KCNMA1: variants seen among roughly 807,000 people sequenced by gnomAD.
The protein encoded by KCNMA1 is potassium calcium-activated channel subfamily M alpha 1.
A neutral mutation model predicts 140.0 loss-of-function variants in KCNMA1; 29 were observed. The ratio of observed to expected loss-of-function variants is 0.21; its 90% confidence interval spans 0.15 to 0.28. KCNMA1 has a LOEUF of 0.28. Ranked by LOEUF, KCNMA1 falls within the 10% of genes least tolerant of loss-of-function variation. The pLI is 1.00. For missense variants in KCNMA1, 880 were observed against 1,602.2 expected, an observed-to-expected ratio of 0.55 and a Z score of 7.70; for synonymous variants, 612 against 611.9, an observed-to-expected ratio of 1.00 and a Z score of 0.00.
chr10:77,253,127 T>C (rs993477940), intron 2 of KCNMA1, among the ~76,000 whole-genome samples: 11 of 152,250 alleles, frequency 7.2e-5, no homozygotes, highest in Non-Finnish European at 1.6e-4. Flanking sequence ...TTTTGATCTG[T>C]GCTGCTATTT....
At chr10:77,331,778 A>C (rs1423015091) in intron 2 of KCNMA1, among the ~76,000 whole-genome samples, 1 of 152,002 alleles carries the variant, frequency 6.6e-6, no homozygotes, top group Non-Finnish European at 1.5e-5. Flanking sequence ...TTGCACCTCT[A>C]TACTCCAGCC....
chr10:76,891,817 G>C (rs542585908), intron 25 of KCNMA1, 98 bp from the exon 26 acceptor site: 3 of 974,272 alleles, frequency 3.1e-6, no homozygotes, highest in East Asian at 2.4e-5. Context: ...GGTATCTCCT[G>C]TTTAAAGTTC....
At chr10:77,117,539 CAAA>C (rs56926398) in intron 6 of KCNMA1, among the ~76,000 whole-genome samples, 2 of 22,512 alleles carry the variant, frequency 8.9e-5, no homozygotes, top group South Asian at 3.3e-3. Flanking sequence ...GAGTCTATCT[CAAA>C]AAAAAAAAAA....
intron 1 of KCNMA1, among the ~76,000 whole-genome samples, chr10:77,423,768 A>G (rs1219545452): frequency 6.6e-6 from 1 of 152,162 alleles, no homozygotes; most frequent in Non-Finnish European, 1.5e-5. Flanking sequence ...GCTGCAACAG[A>G]CTGTGAGACT....
chr10:77,184,078 A>T (rs901152420), intron 4 of KCNMA1, among the ~76,000 whole-genome samples: 1 of 151,978 alleles, frequency 6.6e-6, no homozygotes, highest in Admixed American at 6.6e-5. Context: ...ACACACACAC[A>T]CACACACACA....
chr10:77,293,561 A>T (rs892300868), intron 2 of KCNMA1, among the ~76,000 whole-genome samples: 1 of 152,202 alleles, frequency 6.6e-6, no homozygotes, highest in Admixed American at 6.5e-5. Context: ...ACATCCACAT[A>T]GCCTTGCATT....
In KCNMA1 at chr10:77,637,553, G is replaced by A. The variant is rs75040504; in HGVS notation, c.90C>T (p.His30=). The A allele has an allele frequency of 6.6e-4, 1,015 of 1,543,428 alleles. 3 individuals are homozygous for A. Among genetic ancestry groups the A allele is most frequent in the Middle Eastern group, 1.9e-3 (11 of 5,912 alleles). The change falls in exon 1 of 28, where the codon CAC becomes CAT. Residue 30 remains histidine (H), a synonymous_variant. Coordinates refer to ENST00000286628, the MANE Select transcript of KCNMA1 (RefSeq NM_001161352.2). ...ACGCGTCTAGGCTGAGATGGTTCGC[G>A]TGGATATTGCTACTCATTCTAAGAC... is the stretch of plus-strand genomic sequence containing the variant. The part of the protein sequence containing the change: ...GSSLRMSSNI[H]ANHLSLDASS...
intron 2 of KCNMA1, among the ~76,000 whole-genome samples, chr10:77,363,122 T>TTTG (rs2094116628): frequency 6.6e-6 from 1 of 151,390 alleles, no homozygotes; most frequent in South Asian, 2.1e-4. Context: ...TTATTATTAT[T>TTTG]TTTTTTTTCT....
intron 19 of KCNMA1, among the ~76,000 whole-genome samples, chr10:76,981,745 A>C (rs1353861219): frequency 6.6e-6 from 1 of 152,160 alleles, no homozygotes; most frequent in Non-Finnish European, 1.5e-5. Flanking sequence ...TTTCTTTAAA[A>C]AATCCCCTGG....
At chr10:77,629,202 C>G (rs923490910) in intron 1 of KCNMA1, among the ~76,000 whole-genome samples, 2 of 152,162 alleles carry the variant, frequency 1.3e-5, no homozygotes, top group Non-Finnish European at 2.9e-5. Context: ...GACACAATGT[C>G]CCAAGACAAT....
chr10:76,881,380 C>A (rs1230093066), downstream of KCNMA1, among the ~76,000 whole-genome samples: 1 of 152,200 alleles, frequency 6.6e-6, no homozygotes, highest in East Asian at 1.9e-4. Flanking sequence ...CCTTGAAGCA[C>A]TTACACAGGT....
At chr10:77,131,692 C>T (rs1029476709) in intron 5 of KCNMA1, among the ~76,000 whole-genome samples, 5 of 152,050 alleles carry the variant, frequency 3.3e-5, no homozygotes, top group African/African-American at 9.7e-5. Context: ...TTGCCAGGCA[C>T]GGTGGCTCAT....
intron 1 of KCNMA1, among the ~76,000 whole-genome samples, chr10:77,482,991 TACACACACACACACACACACAC>T (rs56364046): frequency 3.9e-5 from 5 of 126,750 alleles, no homozygotes; most frequent in African/African-American, 6.2e-5. Flanking sequence ...CTCTCTCACA[TACACACACACACACACACACAC>T]ACACACACAC....
chr10:77,324,971 CTGTGTGTGTGTG>C (rs144907110), intron 2 of KCNMA1, among the ~76,000 whole-genome samples: 2 of 90,378 alleles, frequency 2.2e-5, no homozygotes, highest in Non-Finnish European at 4.3e-5. Context: ...CTCTCTCTCT[CTGTGTGTGTGTG>C]TGTGTGTGTG....
chr10:77,287,820 A>G (rs760376221), intron 2 of KCNMA1, among the ~76,000 whole-genome samples: 4 of 152,230 alleles, frequency 2.6e-5, no homozygotes, highest in Non-Finnish European at 5.9e-5. Context: ...CTCAGCAGGC[A>G]GGCAGCAAAC....
intron 2 of KCNMA1, among the ~76,000 whole-genome samples, chr10:77,307,244 T>G (rs1601950853): frequency 6.6e-6 from 1 of 152,102 alleles, no homozygotes; most frequent in African/African-American, 2.4e-5. Flanking sequence ...CTTCAGAAAT[T>G]TCTCCCTCTT....
In KCNMA1 at chr10:77,386,997, G is replaced by A. The variant is rs940712916; in HGVS notation, c.540+16865C>T. On this transcript the variant is annotated intron_variant, in intron 2 of 27. Transcript: ENST00000286628. The stretch of plus-strand genomic sequence containing the variant: ...TACAGTGCCGGGGGAGTGGGGCACA[G>A]GGAAAGGCATCTGCAGCGATTGGGA... Among the ~76,000 whole-genome samples the A allele has an allele frequency of 5.3e-5, 8 of 152,314 alleles. No homozygotes were observed. In the South Asian group the frequency reaches 6.2e-4, roughly 12 times the overall value.
intron 2 of KCNMA1, among the ~76,000 whole-genome samples, chr10:77,302,978 G>T (rs370304251): frequency 3.3e-5 from 5 of 152,100 alleles, no homozygotes; most frequent in Admixed American, 6.6e-5. Flanking sequence ...TTTGCCTAGG[G>T]ATTTGTCTAC....
intron 25 of KCNMA1, among the ~76,000 whole-genome samples, chr10:76,892,676 A>G (rs372379590): frequency 3.3e-5 from 5 of 152,302 alleles, no homozygotes; most frequent in East Asian, 1.9e-4. Context: ...GGCAAGGCAT[A>G]GTAGGGAACA....
Sources: gnomAD v4.1 joint callset for allele counts (sites outside exome capture counted in the v4.1 genomes callset) on GRCh38, gnomAD v4.1.1 for gene constraint, MANE v1.5 for transcripts, NCBI Gene and HGNC (gene_info 2026-07-23, HGNC 2026-07-21) for gene names.